Variants in TAMALIN observed in about 807,000 individuals in gnomAD.
The protein encoded by TAMALIN is trafficking regulator and scaffold protein tamalin.
Under a neutral mutation model 38.5 loss-of-function variants are expected in TAMALIN, and 9 were observed. The observed-to-expected ratio is 0.23, with a 90% confidence interval of 0.14 to 0.41. The LOEUF (loss-of-function observed/expected upper bound fraction) is 0.41. Ranked by LOEUF, TAMALIN falls within the 10% of genes least tolerant of loss-of-function variation. TAMALIN has a pLI of 1.00. For missense variants in TAMALIN, 548 were observed against 554.1 expected (o/e 0.99, Z 0.11); for synonymous variants, 306 against 256.5 (o/e 1.19, Z -1.85).
Position 52,009,237 on chromosome 12 carries a change from G to A in TAMALIN, c.294G>A (p.Gln98=), listed in dbSNP as rs899120282. The change falls in exon 2 of 8, where the codon CAG becomes CAA. Residue 98 remains glutamine, a splice_region_variant and synonymous_variant. Coordinates refer to ENST00000293662, the MANE Select transcript of TAMALIN (RefSeq NM_181711.4). The stretch of plus-strand genomic sequence containing the variant: ...ATCTCAGCCAGAGTCCTGAACAGCA[G>A]CGGTGAGTCACCAACACCCAGCCCC... ...WKNLSQSPEQ[Q]RKVLTLEKED... The A allele has an allele frequency of 1.5e-5, 24 of 1,613,828 alleles. No homozygotes were observed. The East Asian group carries it at 5.3e-4, about 36-fold the overall frequency.
intron 4 of TAMALIN, among the ~76,000 whole-genome samples, chr12:52,012,031 G>A (rs908773628): frequency 2.0e-5 from 3 of 152,182 alleles, no homozygotes; most frequent in South Asian, 2.1e-4. Flanking sequence ...CTGGGTGGCC[G>A]CATCAGGTGA....
chr12:52,014,154 G>T lies in TAMALIN; in HGVS notation c.635G>T (p.Trp212Leu). Reference protein sequence around the residue: ...QYLKQTLYEKWGEYRSLMVQE... With the variant: ...QYLKQTLYEKLGEYRSLMVQE... Reference sequence around the variant, plus strand: ...TTGCAGCAAACCCTGTATGAGAAGTGGGGAGAGTACAGGTCCCTAATGGTG... The same window carrying T: ...TTGCAGCAAACCCTGTATGAGAAGTTGGGAGAGTACAGGTCCCTAATGGTG... Residue 212 changes from tryptophan to leucine, a missense_variant, in exon 7 of 8, where the codon TGG becomes TTG. By Grantham distance (61) the Trp-to-Leu change is moderately conservative. Around this residue, in one of 3 missense-constraint regions of TAMALIN, gnomAD observed 415 missense variants for 417.0 expected, o/e 1.00. Coordinates refer to ENST00000293662, the MANE Select transcript of TAMALIN (RefSeq NM_181711.4). 1 of 1,604,678 alleles carries T rather than the reference G, an allele frequency of 6.2e-7. No individual in the cohort carries two copies. Among genetic ancestry groups the T allele is most frequent in the East Asian group, 2.2e-5 (1 of 44,578 alleles).
In TAMALIN at chr12:52,007,903, G is replaced by A. The variant is rs1472499239; in HGVS notation, c.246+638G>A. On this transcript the variant is annotated intron_variant, in intron 1 of 7. Coordinates refer to ENST00000293662, the MANE Select transcript of TAMALIN (RefSeq NM_181711.4). This position sits in a 1 kb window ranked among gnomAD's most constrained non-coding sequence, Gnocchi z 6.7. ...AGGGCGCCCGCGGGGCAGGAAGGAT[G>A]CGGGCCGCGCCCACCTCTGAGTCCC... 2 of 985,428 alleles carry A rather than the reference G, an allele frequency of 2.0e-6. No individual in the cohort carries two copies. Among genetic ancestry groups the A allele is most frequent in the Non-Finnish European group, 2.4e-6 (2 of 829,910 alleles). The allele number at this position is 985,428 out of a possible 1,614,324, so 61.0% of individuals were successfully genotyped here. A position where few individuals can be genotyped will look rare whatever the true frequency, so the allele number is the denominator to read the frequency against.
In TAMALIN at chr12:52,015,028, T is replaced by C. The variant is rs1485962502; in HGVS notation, c.1017T>C (p.Pro339=). 1.4e-5 allele frequency: 18 copies of C among 1,293,756 alleles called. 1 individual carries two copies. In the South Asian group the frequency reaches 3.0e-4, roughly 21 times the overall value. 80.1% of individuals were successfully genotyped at this position (1,293,756 alleles called of 1,614,324 possible). ...SRSASVRCAG[P]GGGGGGGAPG... The stretch of plus-strand genomic sequence containing the variant: ...GCGCCAGTGTGCGGTGCGCGGGCCC[T>C]GGCGGGGGCGGAGGCGGGGGCGCGC... Residue 339 remains proline (P), a synonymous_variant, in exon 8 of 8, where the codon CCT becomes CCC. Coordinates refer to ENST00000293662, the MANE Select transcript of TAMALIN (RefSeq NM_181711.4).
At chr12:52,014,536 G>A (rs1479530685) in intron 7 of TAMALIN, 158 bp from the exon 8 acceptor site, 12 of 621,162 alleles carry the variant, frequency 1.9e-5, no homozygotes, top group African/African-American at 3.7e-5. Context: ...CCTGATTTGC[G>A]GGTGAGGGAA....
Position 52,015,676 on chromosome 12 carries a change from C to T in TAMALIN, c.*477C>T, listed in dbSNP as rs1937794983. ...GCCCCCAGGGGCATCAGGTGCTGGT[C>T]CTCCTCCCTCCTGGCCTCGACCCCT... On this transcript the variant is annotated 3_prime_UTR_variant, in exon 8 of 8. Coordinates refer to ENST00000293662, the MANE Select transcript of TAMALIN (RefSeq NM_181711.4). 6.4e-6 allele frequency: 1 copy of T among 157,154 alleles called. No individual in the cohort carries two copies. Among genetic ancestry groups the T allele is most frequent in the Non-Finnish European group, 1.4e-5 (1 of 70,620 alleles). The allele number at this position is 157,154 out of a possible 1,614,324, so 9.7% of individuals were successfully genotyped here. A position where few individuals can be genotyped will look rare whatever the true frequency, so the allele number is the denominator to read the frequency against.
rs1472667355 is a variant in TAMALIN, at chr12:52,015,341, C to G, written c.*142C>G. 3 of 1,042,774 alleles carry G rather than the reference C, an allele frequency of 2.9e-6. No individual in the cohort carries two copies. The highest frequency in any genetic ancestry group is 3.9e-6 in the Non-Finnish European group (3 of 764,212). 64.6% of individuals were successfully genotyped at this position (1,042,774 alleles called of 1,614,324 possible). On this transcript the variant is annotated 3_prime_UTR_variant, in exon 8 of 8. Coordinates refer to ENST00000293662, the MANE Select transcript of TAMALIN (RefSeq NM_181711.4). ...CTAGCCTCGGCCCGCCGGGTCGGTT[C>G]CTGGCTGGTGTCTGCTGAGGGAGTG...
rs200247104 is a variant in TAMALIN at position 52,013,907 on chromosome 12, G to C, written c.579G>C (p.Arg193=). Residue 193 remains arginine, a synonymous_variant, in exon 6 of 8, where the codon CGG becomes CGC. Coordinates refer to ENST00000293662, the MANE Select transcript of TAMALIN (RefSeq NM_181711.4). ...RLETLYGTSI[R]KAELEARLQY... ...AAACTCTATATGGGACATCAATTCG[G>C]AAGGCAGAACTGGAGGCTCGTCTGC... The C allele has an allele frequency of 6.9e-5, 112 of 1,614,146 alleles. 2 individuals carry two copies. Among genetic ancestry groups the C allele is most frequent in the Non-Finnish European group, 7.6e-6 (9 of 1,180,034 alleles).
At chr12:52,010,113 C>T (rs545278426) in intron 2 of TAMALIN, among the ~76,000 whole-genome samples, 89 of 152,250 alleles carry the variant, frequency 5.8e-4, no homozygotes, top group African/African-American at 2.0e-3. Context: ...GAGAGGGGCT[C>T]GAGCTGGAGT....
chr12:52,011,664 G>A lies in TAMALIN; in HGVS notation c.454+523G>A, dbSNP rs2701132. On this transcript the variant is annotated intron_variant, in intron 4 of 7. Coordinates refer to ENST00000293662, the MANE Select transcript of TAMALIN (RefSeq NM_181711.4). This position sits in a 1 kb window ranked among gnomAD's most constrained non-coding sequence, Gnocchi z 5.3. ...GTCACCCAGGCTAGAGTGCAGTGGC[G>A]TAATCATAACTCACTATAACCTTGA... is the stretch of plus-strand genomic sequence containing the variant. Among the ~76,000 whole-genome samples, 1,623 of 151,812 alleles carry A rather than the reference G, an allele frequency of 0.011. 35 individuals are homozygous for A. Among genetic ancestry groups the A allele is most frequent in the African/African-American group, 0.037 (1,545 of 41,338 alleles).
At chr12:52,013,837 C>G (rs1404705418) in intron 5 of TAMALIN, 40 bp from the exon 6 acceptor site, 1 of 1,610,768 alleles carries the variant, frequency 6.2e-7, no homozygotes, top group South Asian at 1.1e-5. Flanking sequence ...GGTATTTCCT[C>G]AGCCTGTGGC....
At position 52,015,209 on chromosome 12, in the gene TAMALIN, C is replaced by A; in HGVS notation, c.*10C>A. Reference sequence around the variant, plus strand: ...GGAGAGCCAGCTGTAGGGGCGGGGGCGGGCAGGGAGGTATTTATTTATTTA... The same window carrying A: ...GGAGAGCCAGCTGTAGGGGCGGGGGAGGGCAGGGAGGTATTTATTTATTTA... On this transcript the variant is annotated 3_prime_UTR_variant, in exon 8 of 8. Coordinates refer to ENST00000293662, the MANE Select transcript of TAMALIN (RefSeq NM_181711.4). 1.9e-6 allele frequency: 3 copies of A among 1,564,596 alleles called. No individual in the cohort carries two copies. Among genetic ancestry groups the A allele is most frequent in the Admixed American group, 3.7e-5 (2 of 54,354 alleles).
At chr12:52,014,445 C>A (rs1937736776) in intron 7 of TAMALIN, 1 of 601,760 alleles carries the variant, frequency 1.7e-6, no homozygotes, top group Non-Finnish European at 3.0e-6. Flanking sequence ...GAGGGGAACA[C>A]CAGGGCTCAA....
At chr12:52,008,609 G>A in intron 1 of TAMALIN, 1 of 985,446 alleles carries the variant, frequency 1.0e-6, no homozygotes, top group South Asian at 4.7e-5. Context: ...TGTACCTTAG[G>A]AGACCTGGCA....
intron 2 of TAMALIN, chr12:52,010,464 C>T: frequency 9.8e-7 from 1 of 1,024,072 alleles, no homozygotes; most frequent in Non-Finnish European, 1.2e-6. Flanking sequence ...CTTGCTGAGC[C>T]TCGTGACTGG....
rs1008303412 is a variant in TAMALIN at position 52,015,342 on chromosome 12, C to T, written c.*143C>T. 3.9e-6 allele frequency: 4 copies of T among 1,029,998 alleles called. No homozygotes were observed. Among genetic ancestry groups the T allele is most frequent in the Non-Finnish European group, 5.3e-6 (4 of 752,574 alleles). 63.8% of individuals were successfully genotyped at this position (1,029,998 alleles called of 1,614,324 possible). A position where few individuals can be genotyped will look rare whatever the true frequency, so the allele number is the denominator to read the frequency against. On this transcript the variant is annotated 3_prime_UTR_variant, in exon 8 of 8. Transcript: ENST00000293662. ...TAGCCTCGGCCCGCCGGGTCGGTTC[C>T]TGGCTGGTGTCTGCTGAGGGAGTGG...
rs759312979 is a variant in TAMALIN at position 52,007,235 on chromosome 12, C to A, written c.216C>A (p.Ala72=). 7.0e-7 allele frequency: 1 copy of A among 1,423,558 alleles called. No homozygotes were observed. The highest frequency in any genetic ancestry group is 1.6e-5 in the South Asian group (1 of 63,740). 88.2% of individuals were successfully genotyped at this position (1,423,558 alleles called of 1,614,324 possible). A position where few individuals can be genotyped will look rare whatever the true frequency, so the allele number is the denominator to read the frequency against. ...YHPAELYRAL[A]VSGGTLPRRK... ...CTGCCGAGCTGTACCGCGCGCTCGCCGTGTCCGGGGGCACCCTGCCCCGCC... is the reference window on the plus strand; with the variant it reads ...CTGCCGAGCTGTACCGCGCGCTCGCAGTGTCCGGGGGCACCCTGCCCCGCC... Residue 72 remains alanine, a synonymous_variant, in exon 1 of 8, where the codon GCC becomes GCA. Coordinates refer to ENST00000293662, the MANE Select transcript of TAMALIN (RefSeq NM_181711.4). This position sits in a 1 kb window ranked among gnomAD's most constrained non-coding sequence, Gnocchi z 6.7.
intron 4 of TAMALIN, among the ~76,000 whole-genome samples, chr12:52,013,214 A>G (rs1937698867): frequency 4.1e-5 from 6 of 147,724 alleles, no homozygotes; most frequent in African/African-American, 1.5e-4. Flanking sequence ...AGTAGCTGGG[A>G]CTACAGGCGC....
rs529539180 is a variant in TAMALIN at position 52,009,341 on chromosome 12, C to T, written c.296+102C>T. 42 of 1,153,910 alleles carry T rather than the reference C, an allele frequency of 3.6e-5. No individual in the cohort carries two copies. In the African/African-American group the frequency reaches 5.9e-4, roughly 16 times the overall value. 71.5% of individuals were successfully genotyped at this position (1,153,910 alleles called of 1,614,324 possible). Reference sequence around the variant, plus strand: ...TCAGCCTAGCGAGGGTAGTCATTCTCCTAGCCTTTAAACATGGCTCCCCCG... The same window carrying T: ...TCAGCCTAGCGAGGGTAGTCATTCTTCTAGCCTTTAAACATGGCTCCCCCG... On this transcript the variant is annotated intron_variant, in intron 2 of 7. Transcript: ENST00000293662.
Sources: allele counts gnomAD v4.1 joint callset (sites outside exome capture counted in the v4.1 genomes callset), GRCh38; gene constraint gnomAD v4.1.1; regional missense constraint gnomAD v4.1.1; non-coding constraint Gnocchi (gnomAD v3.1); transcripts MANE v1.5; gene names NCBI Gene and HGNC (gene_info 2026-07-23, HGNC 2026-07-21).